Variants in TXNL4B observed in about 807,000 individuals in gnomAD.
TXNL4B encodes thioredoxin-like protein 4B.
A neutral mutation model predicts 13.0 loss-of-function variants in TXNL4B; 12 were observed. The ratio of observed to expected loss-of-function variants is 0.92; its 90% confidence interval spans 0.59 to 1.49. The LOEUF (loss-of-function observed/expected upper bound fraction) is 1.49, where lower values mean the gene tolerates loss of function less well. TXNL4B is among the 40% of genes most tolerant of loss of function. The pLI is 0.00. For missense variants in TXNL4B, 214 were observed against 173.6 expected (o/e 1.23, Z -1.31); for synonymous variants, 59 against 58.9 (o/e 1.00, Z -0.01).
intron 2 of TXNL4B, among the ~76,000 whole-genome samples, chr16:72,089,846 A>G (rs1325107411): frequency 1.3e-5 from 2 of 152,230 alleles, no homozygotes. Flanking sequence ...TCCCCATTTT[A>G]TAGATAGGGA....
At chr16:72,088,218 C>T (rs2041852230) in intron 3 of TXNL4B, among the ~76,000 whole-genome samples, 1 of 152,228 alleles carries the variant, frequency 6.6e-6, no homozygotes, top group South Asian at 2.1e-4. Flanking sequence ...CCTGCCTTGG[C>T]CTCCCAAAGT....
chr16:72,089,238 C>A, intron 2 of TXNL4B, 100 bp from the exon 3 acceptor site: 1 of 1,060,760 alleles, frequency 9.4e-7, no homozygotes, highest in Non-Finnish European at 1.4e-6. Context: ...TTTGAAAAAA[C>A]TCCTGGGCCA....
chr16:72,086,302 T>C lies in TXNL4B; in HGVS notation c.*335A>G, dbSNP rs770942855. 67 of 178,866 alleles carry C rather than the reference T, an allele frequency of 3.7e-4. No individual in the cohort carries two copies. The highest frequency in any genetic ancestry group is 5.5e-4 in the Non-Finnish European group (47 of 84,882). The allele number at this position is 178,866 out of a possible 1,614,324, so 11.1% of individuals were successfully genotyped here. A position where few individuals can be genotyped will look rare whatever the true frequency, so the allele number is the denominator to read the frequency against. On this transcript the variant is annotated 3_prime_UTR_variant, in exon 4 of 4. Transcript: ENST00000268483. Reference sequence around the variant, plus strand: ...TCACTTGTGTATCAAATGAACATGATGAAATCAAGTTGTACTAGCCAATGT... The same window carrying C: ...TCACTTGTGTATCAAATGAACATGACGAAATCAAGTTGTACTAGCCAATGT...
Position 72,085,533 on chromosome 16 carries a change from C to T in TXNL4B, c.*1104G>A, listed in dbSNP as rs1390958258. On this transcript the variant is annotated 3_prime_UTR_variant, in exon 4 of 4. Coordinates refer to ENST00000268483, the MANE Select transcript of TXNL4B (RefSeq NM_017853.3). ...TAGGTGACATTTCTATCCAACAATG[C>T]TGACATCTCTTTTAGTTTTGAGCCT... 1 of 152,298 alleles carries T rather than the reference C, an allele frequency of 6.6e-6. No individual in the cohort carries two copies. Among genetic ancestry groups the T allele is most frequent in the African/African-American group, 2.4e-5 (1 of 41,438 alleles). The allele number at this position is 152,298 out of a possible 1,614,324, so 9.4% of individuals were successfully genotyped here.
At chr16:72,091,187 A>T (rs1403377312) in intron 1 of TXNL4B, among the ~76,000 whole-genome samples, 1 of 152,116 alleles carries the variant, frequency 6.6e-6, no homozygotes, top group Admixed American at 6.5e-5. Flanking sequence ...GGTGTAGAAA[A>T]ACAATACGGT....
At chr16:72,087,871 G>A (rs1212566302) in intron 3 of TXNL4B, among the ~76,000 whole-genome samples, 1 of 152,094 alleles carries the variant, frequency 6.6e-6, no homozygotes, top group East Asian at 1.9e-4. Context: ...CCAGGATGGA[G>A]TGCAGTGGCG....
Position 72,085,200 on chromosome 16 carries a change from A to C in TXNL4B, c.*1437T>G. On this transcript the variant is annotated 3_prime_UTR_variant, in exon 4 of 4. Coordinates refer to ENST00000268483, the MANE Select transcript of TXNL4B (RefSeq NM_017853.3). ...CCTGTATGAGCCAAAAGCAAGACTC[A>C]TGGCACCCCTCCCTGCAGGAAAGGG... 2 of 392,544 alleles carry C rather than the reference A, an allele frequency of 5.1e-6. No individual in the cohort carries two copies. The highest frequency in any genetic ancestry group is 4.5e-6 in the Non-Finnish European group (1 of 222,910). The allele number at this position is 392,544 out of a possible 1,614,324, so 24.3% of individuals were successfully genotyped here.
In TXNL4B at chr16:72,085,309, G is replaced by T. The variant is rs973984594; in HGVS notation, c.*1328C>A. The T allele has an allele frequency of 6.8e-6, 2 of 292,290 alleles. No homozygotes were observed. The highest frequency in any genetic ancestry group is 1.3e-5 in the Non-Finnish European group (2 of 159,784). 18.1% of individuals were successfully genotyped at this position (292,290 alleles called of 1,614,324 possible). On this transcript the variant is annotated 3_prime_UTR_variant, in exon 4 of 4. Coordinates refer to ENST00000268483, the MANE Select transcript of TXNL4B (RefSeq NM_017853.3). The stretch of plus-strand genomic sequence containing the variant: ...AGGACTAGGCTTCTGTTGGAGAGGT[G>T]GTCAGCGGCTGCTAGGCAGGTCACA...
At chr16:72,089,334 A>G (rs2041868533) in intron 2 of TXNL4B, among the ~76,000 whole-genome samples, 196 bp from the exon 3 acceptor site, 1 of 152,166 alleles carries the variant, frequency 6.6e-6, no homozygotes, top group South Asian at 2.1e-4. Flanking sequence ...GTTAGGAGGG[A>G]ATCTTGGGGA....
chr16:72,092,681 G>C (rs2144113947), intron 1 of TXNL4B, among the ~76,000 whole-genome samples: 1 of 152,314 alleles, frequency 6.6e-6, no homozygotes, highest in African/African-American at 2.4e-5. Context: ...GGTGAGGCTA[G>C]GGGTGCAACT....
upstream of TXNL4B, chr16:72,093,939 T>C (rs1159548308): frequency 6.6e-6 from 1 of 152,262 alleles, no homozygotes; most frequent in East Asian, 1.9e-4. Context: ...GGGACAATAA[T>C]GGCCGCTTTC....
chr16:72,085,347 C>T lies in TXNL4B; in HGVS notation c.*1290G>A, dbSNP rs1160943986. Reference sequence around the variant, plus strand: ...TAGGCAGGTCACAAGCTGCCTCACCCATGGCTCTCCAGCTCTGCACCTACC... The same window carrying T: ...TAGGCAGGTCACAAGCTGCCTCACCTATGGCTCTCCAGCTCTGCACCTACC... On this transcript the variant is annotated 3_prime_UTR_variant, in exon 4 of 4. Coordinates refer to ENST00000268483, the MANE Select transcript of TXNL4B (RefSeq NM_017853.3). 4.1e-6 allele frequency: 1 copy of T among 245,568 alleles called. No individual in the cohort carries two copies. Among genetic ancestry groups the T allele is most frequent in the East Asian group, 7.7e-5 (1 of 13,052 alleles). The allele number at this position is 245,568 out of a possible 1,614,324, so 15.2% of individuals were successfully genotyped here. A position where few individuals can be genotyped will look rare whatever the true frequency, so the allele number is the denominator to read the frequency against.
At chr16:72,088,593 TA>T in intron 3 of TXNL4B, among the ~76,000 whole-genome samples, 1 of 152,330 alleles carries the variant, frequency 6.6e-6, no homozygotes, top group Admixed American at 6.5e-5. Context: ...TCCAAAAGCT[TA>T]AGAAAAACTA....
Position 72,086,678 on chromosome 16 carries a change from T to C in TXNL4B, c.409A>G (p.Lys137Glu). The C allele has an allele frequency of 1.9e-6, 3 of 1,613,986 alleles. No homozygotes were observed. Among genetic ancestry groups the C allele is most frequent in the Non-Finnish European group, 2.5e-6 (3 of 1,179,828 alleles). The change falls in exon 4 of 4, where the codon AAG becomes GAG. Residue 137 changes from lysine to glutamate, a missense_variant. Lys to Glu is a moderately conservative substitution (Grantham distance 56, BLOSUM62 1). Transcript: ENST00000268483. ...KLIVQSPIDP[K>E]NIPKYDLLYQ... is the part of the protein sequence containing the mutation. ...AGAAGGTCATATTTGGGAATATTCTTGGGATCAATAGGACTTTGGACAATA... is the reference window on the plus strand; with the variant it reads ...AGAAGGTCATATTTGGGAATATTCTCGGGATCAATAGGACTTTGGACAATA...
rs947682265 is a variant in TXNL4B, at chr16:72,090,889, A to G, written c.-37-103T>C. The stretch of plus-strand genomic sequence containing the variant: ...GTAGCTAATGTATTCACATGGTATG[A>G]AAGAAACATCATAGAAAGGTAACAC... On this transcript the variant is annotated intron_variant, in intron 1 of 3. Coordinates refer to ENST00000268483, the MANE Select transcript of TXNL4B (RefSeq NM_017853.3). 3.3e-6 allele frequency: 3 copies of G among 917,686 alleles called. No homozygotes were observed. The African/African-American group carries it at 5.0e-5, about 15-fold the overall frequency. 56.8% of individuals were successfully genotyped at this position (917,686 alleles called of 1,614,324 possible). A position where few individuals can be genotyped will look rare whatever the true frequency, so the allele number is the denominator to read the frequency against.
intron 1 of TXNL4B, among the ~76,000 whole-genome samples, chr16:72,092,701 T>G (rs3829538): frequency 6.6e-6 from 1 of 152,062 alleles, no homozygotes; most frequent in Non-Finnish European, 1.5e-5. Flanking sequence ...TGGACAAACG[T>G]TGGAAGCAGG....
chr16:72,086,342 T>C lies in TXNL4B; in HGVS notation c.*295A>G, dbSNP rs2041823037. On this transcript the variant is annotated 3_prime_UTR_variant, in exon 4 of 4. Transcript: ENST00000268483. ...CTAGCCAATGTTTGGGAGGGTTCTGTATTAAAGGGATAAAGAAAAACATTA... is the reference window on the plus strand; with the variant it reads ...CTAGCCAATGTTTGGGAGGGTTCTGCATTAAAGGGATAAAGAAAAACATTA... 2 of 252,180 alleles carry C rather than the reference T, an allele frequency of 7.9e-6. No individual in the cohort carries two copies. Among genetic ancestry groups the C allele is most frequent in the South Asian group, 8.1e-5 (1 of 12,346 alleles). 15.6% of individuals were successfully genotyped at this position (252,180 alleles called of 1,614,324 possible).
chr16:72,089,927 G>C (rs2041878219), intron 2 of TXNL4B, among the ~76,000 whole-genome samples: 1 of 152,200 alleles, frequency 6.6e-6, no homozygotes, highest in African/African-American at 2.4e-5. Flanking sequence ...GCTGGGGTTT[G>C]AACTTTGGCA....
At position 72,088,789 on chromosome 16, in the gene TXNL4B, A is replaced by C. The variant is rs941471664; in HGVS notation, c.284+198T>G. On this transcript the variant is annotated intron_variant, in intron 3 of 3. Coordinates refer to ENST00000268483, the MANE Select transcript of TXNL4B (RefSeq NM_017853.3). The stretch of plus-strand genomic sequence containing the variant: ...GTATGCACTATTAAAAAAATAAATA[A>C]AATTTGACAATCATACCAGAAGCAC... 6.6e-5 allele frequency among the ~76,000 whole-genome samples: 10 copies of C among 152,248 alleles called. 1 individual carries two copies. The highest frequency in any genetic ancestry group is 4.4e-5 in the Non-Finnish European group (3 of 68,046).
Sources: gnomAD v4.1 joint callset for allele counts (sites outside exome capture counted in the v4.1 genomes callset) on GRCh38, gnomAD v4.1.1 for gene constraint, MANE v1.5 for transcripts, NCBI Gene and HGNC (gene_info 2026-07-23, HGNC 2026-07-21) for gene names.